The following RAB28 variants were observed in gnomAD, a reference collection of about 807,000 sequenced individuals.
RAB28 encodes ras-related protein Rab-28.
RAB28 carries 24 observed loss-of-function variants against 31.7 expected under a neutral mutation model. The observed-to-expected ratio is 0.76, with a 90% CI of 0.55 to 1.06. RAB28 has a LOEUF of 1.06. Among genes scored for constraint, RAB28 ranks in the 50% least tolerant of loss-of-function variants. The pLI is 0.00. For synonymous variants in RAB28, 100 were observed against 90.4 expected, an observed-to-expected ratio of 1.11 and a Z score of -0.60; for missense variants, 254 against 258.5, an observed-to-expected ratio of 0.98 and a Z score of 0.12.
At chr4:13,445,748 T>C (rs1427580912) in intron 4 of RAB28, among the ~76,000 whole-genome samples, 1 of 151,598 alleles carries the variant, frequency 6.6e-6, no homozygotes, top group Non-Finnish European at 1.5e-5. Flanking sequence ...AGAGGGGCAT[T>C]GACCTGATTC....
At chr4:13,450,777 T>C (rs932379205) in intron 4 of RAB28, among the ~76,000 whole-genome samples, 11 of 151,706 alleles carry the variant, frequency 7.3e-5, no homozygotes, top group African/African-American at 2.4e-4. Context: ...AATGACAAAA[T>C]TGAGCTACCT....
chr4:13,447,647 C>T (rs1455317120), intron 4 of RAB28, among the ~76,000 whole-genome samples: 1 of 151,902 alleles, frequency 6.6e-6, no homozygotes, highest in African/African-American at 2.4e-5. Flanking sequence ...CCCAAAATAC[C>T]CTTAAAGTTG....
intron 4 of RAB28, among the ~76,000 whole-genome samples, chr4:13,398,238 G>A (rs1473919944): frequency 6.6e-6 from 1 of 152,100 alleles, no homozygotes; most frequent in Non-Finnish European, 1.5e-5. Flanking sequence ...AAAGGAACTG[G>A]AAAATTAATA....
At chr4:13,459,783 A>G (rs1715495147) in intron 4 of RAB28, 1 of 1,183,160 alleles carries the variant, frequency 8.5e-7, no homozygotes, top group South Asian at 1.6e-5. Flanking sequence ...TCCAATGTAG[A>G]CACTTCTTTC....
At chr4:13,435,482 G>A (rs1477519494) in intron 4 of RAB28, among the ~76,000 whole-genome samples, 1 of 151,950 alleles carries the variant, frequency 6.6e-6, no homozygotes, top group African/African-American at 2.4e-5. Context: ...TAGACTGCCA[G>A]ATAAATTAAC....
intron 4 of RAB28, among the ~76,000 whole-genome samples, chr4:13,397,635 T>C (rs1002759540): frequency 1.5e-4 from 23 of 152,176 alleles, no homozygotes; most frequent in African/African-American, 5.5e-4. Flanking sequence ...TGTTGTAATA[T>C]TTATTCTTGG....
chr4:13,479,637 A>T (rs1259138538), intron 1 of RAB28, 111 bp from the exon 2 acceptor site: 2 of 700,190 alleles, frequency 2.9e-6, no homozygotes, highest in East Asian at 5.6e-5. Flanking sequence ...TAATCCAACA[A>T]GCAAATTTAA....
intron 4 of RAB28, among the ~76,000 whole-genome samples, chr4:13,392,687 T>G (rs1483029298): frequency 1.3e-5 from 2 of 152,158 alleles, no homozygotes; most frequent in Admixed American, 1.3e-4. Flanking sequence ...ATTTTAAGTA[T>G]TCTCACCACA....
intron 4 of RAB28, among the ~76,000 whole-genome samples, chr4:13,436,705 T>C (rs1714132749): frequency 6.6e-6 from 1 of 152,054 alleles, no homozygotes; most frequent in Non-Finnish European, 1.5e-5. Context: ...AAATCACAGA[T>C]GACACAAATA....
At chr4:13,409,708 A>G (rs147029024) in intron 4 of RAB28, among the ~76,000 whole-genome samples, 189 of 152,308 alleles carry the variant, frequency 1.2e-3, no homozygotes, top group African/African-American at 4.4e-3. Flanking sequence ...TATGCCTAAC[A>G]CTTCACTTCC....
At chr4:13,371,497 A>C in intron 6 of RAB28, 3 of 985,334 alleles carry the variant, frequency 3.0e-6, no homozygotes, top group Non-Finnish European at 2.4e-6. Flanking sequence ...ATTTTGGTCC[A>C]AGTACTGACT....
At chr4:13,431,103 C>T (rs921085408) in intron 4 of RAB28, among the ~76,000 whole-genome samples, 1 of 152,276 alleles carries the variant, frequency 6.6e-6, no homozygotes, top group South Asian at 2.1e-4. Flanking sequence ...TCACAAAGGG[C>T]GAGCTGAACA....
intron 4 of RAB28, among the ~76,000 whole-genome samples, chr4:13,448,312 C>T (rs1012111945): frequency 1.3e-5 from 2 of 151,984 alleles, no homozygotes; most frequent in African/African-American, 4.8e-5. Context: ...ATCAAAGATT[C>T]ATCCTAAAAG....
intron 6 of RAB28, among the ~76,000 whole-genome samples, chr4:13,374,014 G>C (rs926641592): frequency 6.6e-6 from 1 of 151,784 alleles, no homozygotes; most frequent in Non-Finnish European, 1.5e-5. Flanking sequence ...GCACTTCTTA[G>C]TCTTTTAGAT....
intron 4 of RAB28, among the ~76,000 whole-genome samples, chr4:13,454,873 G>GGT (rs1347584874): frequency 2.6e-5 from 4 of 152,194 alleles, no homozygotes; most frequent in Non-Finnish European, 2.9e-5. Flanking sequence ...AGCTGGCCTG[G>GGT]GTGTGTGTCT....
intron 4 of RAB28, among the ~76,000 whole-genome samples, chr4:13,413,740 G>A (rs1008384296): frequency 1.3e-5 from 2 of 152,208 alleles, no homozygotes; most frequent in Non-Finnish European, 1.5e-5. Context: ...TATAATCCCA[G>A]ATGAGGAAGG....
intron 3 of RAB28, among the ~76,000 whole-genome samples, chr4:13,469,921 C>T (rs1716040251): frequency 6.6e-6 from 1 of 151,984 alleles, no homozygotes; most frequent in South Asian, 2.1e-4. Context: ...ATGCTCCTAA[C>T]TTCAAGCAAT....
intron 1 of RAB28, among the ~76,000 whole-genome samples, chr4:13,482,415 T>A (rs1716647108): frequency 6.6e-6 from 1 of 152,184 alleles, no homozygotes; most frequent in Non-Finnish European, 1.5e-5. Flanking sequence ...AATTTTTGTG[T>A]CTTTTTACAA....
At chr4:13,390,850 A>G (rs1260306131) in intron 4 of RAB28, among the ~76,000 whole-genome samples, 1 of 152,236 alleles carries the variant, frequency 6.6e-6, no homozygotes, top group East Asian at 1.9e-4. Context: ...CTGGCTAGCC[A>G]TATCTAGAAA....
Sources: allele counts gnomAD v4.1 joint callset (sites outside exome capture counted in the v4.1 genomes callset), GRCh38; gene constraint gnomAD v4.1.1; transcripts MANE v1.5; gene names NCBI Gene and HGNC (gene_info 2026-07-23, HGNC 2026-07-21).